ASRGL1: variants seen among roughly 807,000 people sequenced by gnomAD.
The protein encoded by ASRGL1 is isoaspartyl peptidase/L-asparaginase.
A neutral mutation model predicts 22.4 loss-of-function variants in ASRGL1; 16 were observed. That is an observed-to-expected ratio of 0.71 (90% CI 0.48 to 1.08). The LOEUF is 1.08. Among genes scored for constraint, ASRGL1 ranks in the 50% least tolerant of loss-of-function variants. The pLI is 0.00. For missense variants in ASRGL1, 412 were observed against 410.1 expected, an observed-to-expected ratio of 1.00 and a Z score of -0.04; for synonymous variants, 165 against 159.3, an observed-to-expected ratio of 1.04 and a Z score of -0.27.
chr11:62,378,304 CAGTT>C (rs1946978648), intron 4 of ASRGL1, among the ~76,000 whole-genome samples: 2 of 152,144 alleles, frequency 1.3e-5, no homozygotes, highest in Admixed American at 1.3e-4. Context: ...AAATGTATAA[CAGTT>C]AATTAATTTG....
chr11:62,390,254 A>C (rs1265028032), intron 5 of ASRGL1, among the ~76,000 whole-genome samples: 1 of 152,224 alleles, frequency 6.6e-6, no homozygotes, highest in African/African-American at 2.4e-5. Context: ...GTAAATCTTG[A>C]CAAGAAAAGG....
rs1256258971 is a variant in ASRGL1, at chr11:62,371,397, A to ACCCGAGCACACCAAG, written c.491+14254_491+14268dup. The ACCCGAGCACACCAAG allele has an allele frequency of 2.0e-4, 121 of 591,236 alleles. No individual in the cohort carries two copies. In the African/African-American group the frequency reaches 2.2e-3, roughly 11 times the overall value. The allele number at this position is 591,236 out of a possible 1,614,324, so 36.6% of individuals were successfully genotyped here. ...GCGGTGCGGCTGTGGTGGTCGCCGA[A>ACCCGAGCACACCAAG]CCCGAGCACACCAAGAAGCACGTCA... On this transcript the variant is annotated intron_variant, in intron 4 of 6. Coordinates refer to ENST00000415229, the MANE Select transcript of ASRGL1 (RefSeq NM_001083926.2).
At position 62,392,085 on chromosome 11, in the gene ASRGL1, C is replaced by T. The variant is rs149064193; in HGVS notation, c.728C>T (p.Thr243Met). The T allele has an allele frequency of 4.5e-5, 73 of 1,613,980 alleles. No homozygotes were observed. The highest frequency in any genetic ancestry group is 3.3e-4 in the Middle Eastern group (2 of 6,084). ...LTLFHIEQGKTVEEAADLSLG... is the reference protein window; with the variant it reads ...LTLFHIEQGKMVEEAADLSLG... ...AACCCTTCCTTGTTTTCAGGAAAGACGGTAGAAGAGGCTGCGGACCTATCG... is the reference window on the plus strand; with the variant it reads ...AACCCTTCCTTGTTTTCAGGAAAGATGGTAGAAGAGGCTGCGGACCTATCG... The change falls in exon 7 of 7, where the codon ACG becomes ATG. Residue 243 changes from threonine (T) to methionine (M), a missense_variant. Thr to Met is a moderately conservative substitution (Grantham distance 81). Transcript: ENST00000415229.
chr11:62,343,752 G>GTTCC (rs1491395737), intron 2 of ASRGL1, among the ~76,000 whole-genome samples: 1 of 125,912 alleles, frequency 7.9e-6, no homozygotes, highest in Non-Finnish European at 1.8e-5. Flanking sequence ...AAAAAAAAAA[G>GTTCC]TTCCACTTAA....
intron 2 of ASRGL1, among the ~76,000 whole-genome samples, chr11:62,341,324 G>A (rs1252049482): frequency 4.6e-5 from 7 of 151,252 alleles, no homozygotes; most frequent in African/African-American, 7.3e-5. Context: ...TCAGCCTCTC[G>A]AGTAGCTGGG....
At chr11:62,346,678 A>G (rs969612983) in intron 2 of ASRGL1, among the ~76,000 whole-genome samples, 4 of 152,172 alleles carry the variant, frequency 2.6e-5, no homozygotes, top group African/African-American at 9.7e-5. Flanking sequence ...TACACTTAAG[A>G]TAACATCTGG....
chr11:62,351,650 C>CA (rs34522226), intron 2 of ASRGL1, among the ~76,000 whole-genome samples: 40,515 of 126,844 alleles, frequency 0.32, 5,712 homozygotes, highest in Admixed American at 0.4. Flanking sequence ...AACTCATCTC[C>CA]AAAAAAAAAA....
At chr11:62,339,657 A>C (rs951570756) in intron 2 of ASRGL1, among the ~76,000 whole-genome samples, 4 of 152,234 alleles carry the variant, frequency 2.6e-5, no homozygotes, top group Non-Finnish European at 5.9e-5. Context: ...ATGAACATTA[A>C]ATGATTCACT....
At chr11:62,380,258 G>C (rs34956831) in intron 4 of ASRGL1, among the ~76,000 whole-genome samples, 1 of 151,968 alleles carries the variant, frequency 6.6e-6, no homozygotes, top group East Asian at 1.9e-4. Context: ...CAGGATTGGC[G>C]TTTCCATATG....
intron 4 of ASRGL1, among the ~76,000 whole-genome samples, chr11:62,376,637 A>G (rs1946939047): frequency 6.6e-6 from 1 of 151,330 alleles, no homozygotes; most frequent in East Asian, 2.0e-4. Context: ...GGAGTGGTAC[A>G]CTCCTTACTG....
intron 2 of ASRGL1, among the ~76,000 whole-genome samples, chr11:62,348,222 A>G (rs1171543763): frequency 6.6e-6 from 1 of 152,190 alleles, no homozygotes; most frequent in Non-Finnish European, 1.5e-5. Flanking sequence ...CTGCTACACA[A>G]ATAAAGATCG....
chr11:62,393,015 G>A lies in ASRGL1; in HGVS notation c.*731G>A, dbSNP rs1947378806. 6.6e-6 allele frequency: 1 copy of A among 152,356 alleles called. No homozygotes were observed. The highest frequency in any genetic ancestry group is 6.5e-5 in the Admixed American group (1 of 15,276). The allele number at this position is 152,356 out of a possible 1,614,324, so 9.4% of individuals were successfully genotyped here. ...GTTCACAGAGGAGCCCCCTCACTTG[G>A]TGTTCTCCCGTGAGCCAGCCTCCAC... On this transcript the variant is annotated 3_prime_UTR_variant, in exon 7 of 7. Coordinates refer to ENST00000415229, the MANE Select transcript of ASRGL1 (RefSeq NM_001083926.2).
At chr11:62,385,395 C>T (rs1947176883) in intron 4 of ASRGL1, among the ~76,000 whole-genome samples, 1 of 152,092 alleles carries the variant, frequency 6.6e-6, no homozygotes, top group South Asian at 2.1e-4. Flanking sequence ...TGGCCTTGAG[C>T]TCCTGGGCTC....
In ASRGL1 at chr11:62,356,477, A is replaced by T. The variant is rs1174202386; in HGVS notation, c.333+10A>T. ...GCTTGTCATGGAAAAGGTATATGTG[A>T]CTAAAGCAGCCTTTTCCTAATGAAT... On this transcript the variant is annotated intron_variant, in intron 3 of 6. Transcript: ENST00000415229. 1.2e-6 allele frequency: 2 copies of T among 1,613,530 alleles called. No individual in the cohort carries two copies. Among genetic ancestry groups the T allele is most frequent in the African/African-American group, 1.3e-5 (1 of 74,896 alleles).
chr11:62,384,915 CAAAAAAAAAAAAAAAG>C (rs1947164753), intron 4 of ASRGL1, among the ~76,000 whole-genome samples: 3 of 111,066 alleles, frequency 2.7e-5, no homozygotes, highest in African/African-American at 9.7e-5. Context: ...AAGACTGTCT[CAAAAAAAAAAAAAAAG>C]TTCACCTTAT....
intron 4 of ASRGL1, among the ~76,000 whole-genome samples, chr11:62,387,141 G>A (rs1359998486): frequency 6.6e-6 from 1 of 151,498 alleles, no homozygotes; most frequent in Non-Finnish European, 1.5e-5. Flanking sequence ...GACCTCAGGT[G>A]ATCAGCCTGC....
In ASRGL1 at chr11:62,392,444, G is replaced by A; in HGVS notation, c.*160G>A. 2.3e-6 allele frequency: 2 copies of A among 859,954 alleles called. No homozygotes were observed. Among genetic ancestry groups the A allele is most frequent in the Non-Finnish European group, 3.6e-6 (2 of 561,762 alleles). 53.3% of individuals were successfully genotyped at this position (859,954 alleles called of 1,614,324 possible). A position where few individuals can be genotyped will look rare whatever the true frequency, so the allele number is the denominator to read the frequency against. ...ATCTGAATGTTTGGTTGTGGGGCGG[G>A]TTCTGAAGCGATGAGAGAAATGCCC... On this transcript the variant is annotated 3_prime_UTR_variant, in exon 7 of 7. Transcript: ENST00000415229.
At chr11:62,358,754 T>A (rs1488491204) in intron 4 of ASRGL1, among the ~76,000 whole-genome samples, 1 of 152,174 alleles carries the variant, frequency 6.6e-6, no homozygotes, top group African/African-American at 2.4e-5. Context: ...CAAGGAAATC[T>A]CCACATCCGT....
At chr11:62,385,138 C>G (rs527431369) in intron 4 of ASRGL1, among the ~76,000 whole-genome samples, 1 of 150,336 alleles carries the variant, frequency 6.7e-6, no homozygotes, top group South Asian at 2.2e-4. Flanking sequence ...GGAGAACCCT[C>G]CTTCCTTATC....
Sources: allele counts gnomAD v4.1 joint callset (sites outside exome capture counted in the v4.1 genomes callset), GRCh38; gene constraint gnomAD v4.1.1; transcripts MANE v1.5; gene names NCBI Gene and HGNC (gene_info 2026-07-23, HGNC 2026-07-21).